FGF12: variants seen among roughly 807,000 people sequenced by gnomAD.
FGF12 encodes the protein fibroblast growth factor 12.
FGF12 carries 14 observed loss-of-function variants against 23.6 expected under a neutral mutation model. That is an observed-to-expected ratio of 0.59 (90% CI 0.39 to 0.93). The LOEUF is 0.93. Ranked by LOEUF, FGF12 falls within the 40% of genes least tolerant of loss-of-function variation. FGF12 has a pLI of 0.00. For synonymous variants in FGF12, 62 were observed against 77.3 expected (o/e 0.80, Z 1.04); for missense variants, 175 against 217.8 (o/e 0.80, Z 1.24).
At chr3:192,213,277 T>A (rs534064281) in intron 4 of FGF12, among the ~76,000 whole-genome samples, 1 of 152,278 alleles carries the variant, frequency 6.6e-6, no homozygotes, top group East Asian at 1.9e-4. Flanking sequence ...TTCTTTTTTT[T>A]TTCCCTTTTT....
At chr3:192,724,412 G>A (rs893737375) in intron 2 of FGF12, among the ~76,000 whole-genome samples, 3 of 152,156 alleles carry the variant, frequency 2.0e-5, no homozygotes, top group South Asian at 4.2e-4. Flanking sequence ...ATTGGTATGC[G>A]GTGCCATCTC....
At chr3:192,175,835 G>C (rs1188772867) in intron 4 of FGF12, among the ~76,000 whole-genome samples, 1 of 152,016 alleles carries the variant, frequency 6.6e-6, no homozygotes, top group African/African-American at 2.4e-5. Context: ...AATGCTCCCT[G>C]ACCCCAGCTT....
At chr3:192,387,704 A>T (rs1225204873) in intron 2 of FGF12, among the ~76,000 whole-genome samples, 1 of 144,672 alleles carries the variant, frequency 6.9e-6, no homozygotes, top group East Asian at 2.1e-4. Context: ...CAAAAAAAAA[A>T]TACACACACA....
chr3:192,378,436 C>T (rs1018504548), intron 2 of FGF12, among the ~76,000 whole-genome samples: 1 of 142,100 alleles, frequency 7.0e-6, no homozygotes, highest in African/African-American at 3.1e-5. Flanking sequence ...AATAGCTTTC[C>T]CAAAAATGCA....
chr3:192,680,581 A>C (rs547953704), intron 2 of FGF12, among the ~76,000 whole-genome samples: 1 of 152,348 alleles, frequency 6.6e-6, no homozygotes, highest in South Asian at 2.1e-4. Flanking sequence ...GCAATGAAAA[A>C]GACCAGTGAT....
intron 2 of FGF12, among the ~76,000 whole-genome samples, chr3:192,659,639 G>T (rs1716577783): frequency 6.6e-6 from 1 of 152,118 alleles, no homozygotes; most frequent in Non-Finnish European, 1.5e-5. Flanking sequence ...AGAAAAAGTT[G>T]AAGACTGTAA....
chr3:192,167,160 T>G (rs1219106381), intron 5 of FGF12, among the ~76,000 whole-genome samples: 19 of 91,598 alleles, frequency 2.1e-4, no homozygotes, highest in African/African-American at 7.3e-4. Context: ...GGTATATGGC[T>G]ATCAAAAAAA....
At chr3:192,555,427 G>A (rs1711720906) in intron 2 of FGF12, among the ~76,000 whole-genome samples, 1 of 152,022 alleles carries the variant, frequency 6.6e-6, no homozygotes, top group Non-Finnish European at 1.5e-5. Flanking sequence ...TAATTCTGGT[G>A]TAGAAATTGA....
intron 3 of FGF12, among the ~76,000 whole-genome samples, chr3:192,358,333 C>A (rs181674875): frequency 6.6e-4 from 100 of 151,470 alleles, no homozygotes; most frequent in Non-Finnish European, 1.3e-3. Flanking sequence ...ATATTTTGTA[C>A]ACCTAAATGA....
chr3:192,600,054 T>C (rs966711600), intron 2 of FGF12, among the ~76,000 whole-genome samples: 22 of 152,114 alleles, frequency 1.4e-4, no homozygotes, highest in African/African-American at 5.3e-4. Flanking sequence ...CATTTTGAGT[T>C]GATTTTTGTG....
chr3:192,613,015 T>C (rs1714607129), intron 2 of FGF12, among the ~76,000 whole-genome samples: 1 of 151,690 alleles, frequency 6.6e-6, no homozygotes, highest in Admixed American at 6.6e-5. Context: ...AAACACACGC[T>C]GGTGACCTTT....
chr3:192,695,529 G>A (rs1006153246), intron 2 of FGF12, among the ~76,000 whole-genome samples: 3 of 152,196 alleles, frequency 2.0e-5, no homozygotes, highest in Non-Finnish European at 4.4e-5. Flanking sequence ...CTTCATGTAT[G>A]TAGTAGGTTC....
intron 2 of FGF12, 33 bp downstream of exon 2, chr3:192,727,148 G>A: frequency 2.5e-6 from 4 of 1,569,186 alleles, no homozygotes; most frequent in Non-Finnish European, 3.5e-6. Flanking sequence ...CGCACATGCA[G>A]CGGGAAGTCC....
intron 4 of FGF12, among the ~76,000 whole-genome samples, chr3:192,208,922 C>T (rs1451779014): frequency 6.6e-6 from 1 of 152,190 alleles, no homozygotes; most frequent in African/African-American, 2.4e-5. Flanking sequence ...TTCAGTTGAA[C>T]TAGTTCAGAG....
At chr3:192,285,634 T>C (rs1714405802) in intron 4 of FGF12, among the ~76,000 whole-genome samples, 1 of 152,080 alleles carries the variant, frequency 6.6e-6, no homozygotes, top group Admixed American at 6.6e-5. Context: ...TTCTACCCTC[T>C]GTAATAAAAC....
At chr3:192,442,021 G>T (rs1722215738) in intron 2 of FGF12, among the ~76,000 whole-genome samples, 2 of 152,212 alleles carry the variant, frequency 1.3e-5, no homozygotes, top group Non-Finnish European at 2.9e-5. Flanking sequence ...GCCTAATTTT[G>T]ATTTACAGTA....
intron 2 of FGF12, among the ~76,000 whole-genome samples, chr3:192,508,738 A>C (rs1337588445): frequency 2.0e-5 from 3 of 152,154 alleles, no homozygotes; most frequent in Non-Finnish European, 4.4e-5. Flanking sequence ...ATTTTTTTCC[A>C]GTAAAATATA....
intron 4 of FGF12, among the ~76,000 whole-genome samples, chr3:192,269,341 C>T (rs1023980817): frequency 6.6e-6 from 1 of 152,190 alleles, no homozygotes; most frequent in African/African-American, 2.4e-5. Context: ...ATTCTCCTAG[C>T]TTTTTAACCT....
intron 2 of FGF12, among the ~76,000 whole-genome samples, chr3:192,567,797 CTT>C (rs1712403726): frequency 2.2e-5 from 3 of 134,204 alleles, no homozygotes; most frequent in East Asian, 2.1e-4. Flanking sequence ...TTCTTTCTTT[CTT>C]TCTCTTTCTT....
Sources: allele counts gnomAD v4.1 joint callset (sites outside exome capture counted in the v4.1 genomes callset), GRCh38; gene constraint gnomAD v4.1.1; transcripts MANE v1.5; gene names NCBI Gene and HGNC (gene_info 2026-07-23, HGNC 2026-07-21).